Variants in PRKCE observed in about 807,000 individuals in gnomAD.
PRKCE encodes protein kinase C epsilon.
Under a neutral mutation model 85.4 loss-of-function variants are expected in PRKCE, and 16 were observed. That is an observed-to-expected ratio of 0.19 (90% CI 0.13 to 0.28). The LOEUF is 0.28. Among genes scored for constraint, PRKCE ranks in the 10% least tolerant of loss-of-function variants. The pLI is 1.00. For synonymous variants in PRKCE, 388 were observed against 371.5 expected (o/e 1.04, Z -0.51); for missense variants, 573 against 975.2 (o/e 0.59, Z 5.49).
At chr2:45,765,882 A>G (rs2104867070) in intron 1 of PRKCE, among the ~76,000 whole-genome samples, 1 of 152,250 alleles carries the variant, frequency 6.6e-6, no homozygotes, top group African/African-American at 2.4e-5. Flanking sequence ...CCCACTTCCA[A>G]TCAAGAGAAA....
intron 1 of PRKCE, among the ~76,000 whole-genome samples, chr2:45,772,841 G>A (rs1204795148): frequency 6.6e-6 from 1 of 152,134 alleles, no homozygotes; most frequent in African/African-American, 2.4e-5. Context: ...TCTTAGCATG[G>A]AAAGGCATGC....
At chr2:46,059,044 T>C (rs575803464) in intron 10 of PRKCE, among the ~76,000 whole-genome samples, 1 of 152,318 alleles carries the variant, frequency 6.6e-6, no homozygotes, top group Admixed American at 6.5e-5. Flanking sequence ...TCAGGCTGGT[T>C]GCAGTGGCTC....
chr2:45,711,008 G>A (rs1205596199), intron 1 of PRKCE, among the ~76,000 whole-genome samples: 2 of 152,220 alleles, frequency 1.3e-5, no homozygotes, highest in African/African-American at 4.8e-5. Context: ...TAAGTATTCA[G>A]TCTTTTTTCA....
rs565113238 is a variant in PRKCE at position 45,887,878 on chromosome 2, T to G, written c.412+44815T>G. Among the ~76,000 whole-genome samples, 3 of 152,322 alleles carry G rather than the reference T, an allele frequency of 2.0e-5. No individual in the cohort carries two copies. In the South Asian group the frequency reaches 6.2e-4, roughly 32 times the overall value. ...TAAATTTCACAAAAGCACATCTAACTGGCCCAACTGAAATCATATCTGGAA... is the reference window on the plus strand; with the variant it reads ...TAAATTTCACAAAAGCACATCTAACGGGCCCAACTGAAATCATATCTGGAA... On this transcript the variant is annotated intron_variant, in intron 2 of 14. Transcript: ENST00000306156.
chr2:46,151,522 G>A (rs146443744), intron 13 of PRKCE, among the ~76,000 whole-genome samples: 2 of 152,338 alleles, frequency 1.3e-5, no homozygotes, highest in East Asian at 1.9e-4. Flanking sequence ...ATGAGGCACT[G>A]TGTACATCTG....
intron 1 of PRKCE, among the ~76,000 whole-genome samples, chr2:45,811,158 G>A (rs1234444831): frequency 1.3e-5 from 2 of 152,284 alleles, no homozygotes; most frequent in East Asian, 3.9e-4. Context: ...GGGGAATACA[G>A]ATATTGCCAG....
At chr2:45,818,181 T>C (rs1689238052) in intron 1 of PRKCE, among the ~76,000 whole-genome samples, 1 of 152,254 alleles carries the variant, frequency 6.6e-6, no homozygotes, top group African/African-American at 2.4e-5. Flanking sequence ...ATTTAAGTTC[T>C]GTTTTTGTTT....
intron 10 of PRKCE, among the ~76,000 whole-genome samples, chr2:46,051,175 C>G (rs540017918): frequency 1.3e-5 from 2 of 152,282 alleles, no homozygotes; most frequent in South Asian, 4.1e-4. Context: ...TCCTCTTTCC[C>G]ACTGCAAGTC....
rs145536871 is a variant in PRKCE at position 45,914,358 on chromosome 2, A to T, written c.413-62071A>T. Among the ~76,000 whole-genome samples the T allele has an allele frequency of 5.8e-3, 877 of 152,346 alleles. 12 individuals are homozygous for T. Among genetic ancestry groups the T allele is most frequent in the South Asian group, 0.056 (268 of 4,828 alleles). On this transcript the variant is annotated intron_variant, in intron 2 of 14. Coordinates refer to ENST00000306156, the MANE Select transcript of PRKCE (RefSeq NM_005400.3). ...AGGGATGAGCAAGCTCTGTTTGGACATGTGGACTTGGATGTGTCTCAACGA... is the reference window on the plus strand; with the variant it reads ...AGGGATGAGCAAGCTCTGTTTGGACTTGTGGACTTGGATGTGTCTCAACGA...
intron 10 of PRKCE, among the ~76,000 whole-genome samples, chr2:46,064,549 C>T (rs1667446352): frequency 1.3e-5 from 2 of 152,186 alleles, no homozygotes; most frequent in Admixed American, 1.3e-4. Context: ...AGATTTTCAT[C>T]AGCAGCTTGC....
chr2:45,841,240 T>A (rs1471744545), intron 1 of PRKCE, among the ~76,000 whole-genome samples: 1 of 152,186 alleles, frequency 6.6e-6, no homozygotes, highest in East Asian at 1.9e-4. Context: ...ACTCACACGA[T>A]CACAAGGTGA....
intron 1 of PRKCE, among the ~76,000 whole-genome samples, chr2:45,678,897 G>C (rs1437133784): frequency 2.0e-5 from 3 of 152,040 alleles, no homozygotes; most frequent in African/African-American, 7.2e-5. Flanking sequence ...CTATCACTCA[G>C]GTTCATCCTT....
chr2:45,898,098 C>T (rs1381677861), intron 2 of PRKCE, among the ~76,000 whole-genome samples: 1 of 152,202 alleles, frequency 6.6e-6, no homozygotes, highest in Non-Finnish European at 1.5e-5. Flanking sequence ...ATAGAGATGA[C>T]TGGTAATAGT....
intron 2 of PRKCE, among the ~76,000 whole-genome samples, chr2:45,959,506 A>C (rs914381154): frequency 6.6e-6 from 1 of 152,206 alleles, no homozygotes; most frequent in African/African-American, 2.4e-5. Flanking sequence ...TTTAAAAAAC[A>C]GAAGCATTAA....
chr2:46,080,972 TACACACACACACAC>T (rs112421012), intron 10 of PRKCE, among the ~76,000 whole-genome samples: 1 of 147,584 alleles, frequency 6.8e-6, no homozygotes, highest in African/African-American at 2.5e-5. Flanking sequence ...CAGTTATGCA[TACACACACACACAC>T]ACACACACAC....
chr2:46,038,876 G>A (rs1708047466), intron 10 of PRKCE, among the ~76,000 whole-genome samples: 1 of 152,162 alleles, frequency 6.6e-6, no homozygotes, highest in Admixed American at 6.5e-5. Context: ...ACTTATTGCT[G>A]TAGCAACTAT....
chr2:46,169,003 G>A (rs1343273728), intron 14 of PRKCE, among the ~76,000 whole-genome samples: 5 of 152,346 alleles, frequency 3.3e-5, no homozygotes, highest in African/African-American at 9.6e-5. Flanking sequence ...AGTGAAGGCA[G>A]ACAGAGCCTC....
intron 2 of PRKCE, among the ~76,000 whole-genome samples, chr2:45,889,423 T>A (rs1695548942): frequency 6.6e-6 from 1 of 152,226 alleles, no homozygotes; most frequent in Non-Finnish European, 1.5e-5. Context: ...ACGATGAACT[T>A]GTGTCTTATA....
chr2:45,871,832 C>T (rs1004461870), intron 2 of PRKCE, among the ~76,000 whole-genome samples: 4 of 152,166 alleles, frequency 2.6e-5, no homozygotes, highest in African/African-American at 9.7e-5. Context: ...CCTGCCAGAA[C>T]CTTCCCCTTA....
Sources: allele counts gnomAD v4.1 joint callset (sites outside exome capture counted in the v4.1 genomes callset), GRCh38; gene constraint gnomAD v4.1.1; transcripts MANE v1.5; gene names NCBI Gene and HGNC (gene_info 2026-07-23, HGNC 2026-07-21).